GRIK2: variants seen among roughly 807,000 people sequenced by gnomAD.
GRIK2 encodes glutamate ionotropic receptor kainate type subunit 2.
Under a neutral mutation model 100.3 loss-of-function variants are expected in GRIK2, and 32 were observed. That is an observed-to-expected ratio of 0.32 (90% CI 0.24 to 0.43). The LOEUF (loss-of-function observed/expected upper bound fraction) is 0.43, where lower values mean the gene tolerates loss of function less well. Among genes scored for constraint, GRIK2 ranks in the 20% least tolerant of loss-of-function variants. The pLI, the probability that GRIK2 is intolerant of heterozygous loss-of-function variation, is 1.00. For missense variants in GRIK2, 843 were observed against 1,114.9 expected (o/e 0.76, Z 3.47); for synonymous variants, 417 against 389.4 (o/e 1.07, Z -0.83).
In GRIK2 at chr6:101,912,742, G is replaced by C. The variant is rs79250956; in HGVS notation, c.1749-11859G>C. On this transcript the variant is annotated intron_variant, in intron 12 of 16. Coordinates refer to ENST00000369134, the MANE Select transcript of GRIK2 (RefSeq NM_021956.5). ...TTTTCTGAGTGCTGTTTCCACTGAG[G>C]CTGGCCATCCAGCAGTGGCCTGAGG... 4.9e-3 allele frequency among the ~76,000 whole-genome samples: 748 copies of C among 151,506 alleles called. 3 individuals are homozygous for C. The highest frequency in any genetic ancestry group is 7.5e-3 in the Non-Finnish European group (510 of 67,654).
intron 10 of GRIK2, among the ~76,000 whole-genome samples, chr6:101,848,732 T>G (rs976744162): frequency 6.6e-6 from 1 of 151,996 alleles, no homozygotes. Flanking sequence ...ATCAAACACA[T>G]ATATTACTAC....
At chr6:101,561,849 G>A (rs2128295840) in intron 2 of GRIK2, among the ~76,000 whole-genome samples, 1 of 152,260 alleles carries the variant, frequency 6.6e-6, no homozygotes, top group East Asian at 1.9e-4. Context: ...GGGTCATGTA[G>A]TTTCCAGCAT....
chr6:101,456,859 A>G (rs1045988086), intron 2 of GRIK2, among the ~76,000 whole-genome samples: 1 of 152,154 alleles, frequency 6.6e-6, no homozygotes, highest in Non-Finnish European at 1.5e-5. Context: ...AAGAAAAAGT[A>G]TGATTTTCCT....
At chr6:101,463,343 GTTA>G (rs1322118320) in intron 2 of GRIK2, among the ~76,000 whole-genome samples, 10 of 152,060 alleles carry the variant, frequency 6.6e-5, no homozygotes, top group African/African-American at 2.2e-4. Flanking sequence ...TGCAATGGTT[GTTA>G]TTATTTCTTT....
chr6:101,721,933 C>T (rs574027480), intron 7 of GRIK2, among the ~76,000 whole-genome samples: 89 of 151,954 alleles, frequency 5.9e-4, no homozygotes, highest in Non-Finnish European at 1.1e-3. Context: ...AATATTTTCA[C>T]TTAGGCCTTT....
intron 11 of GRIK2, 32 bp from the exon 12 acceptor site, chr6:101,889,608 T>A: frequency 2.5e-6 from 2 of 800,624 alleles, no homozygotes; most frequent in Non-Finnish European, 3.5e-6. Context: ...TTTCTTTCTT[T>A]TTTTTTTTTT....
chr6:101,967,474 A>G (rs1219895033), intron 14 of GRIK2, among the ~76,000 whole-genome samples: 1 of 152,124 alleles, frequency 6.6e-6, no homozygotes, highest in African/African-American at 2.4e-5. Flanking sequence ...GTGATTCTTT[A>G]GCTTAAGAGA....
At chr6:101,629,382 A>T (rs997203780) in intron 4 of GRIK2, among the ~76,000 whole-genome samples, 1 of 152,136 alleles carries the variant, frequency 6.6e-6, no homozygotes, top group Admixed American at 6.6e-5. Context: ...AATTCAATGA[A>T]TTTTGATTAT....
At chr6:102,002,215 C>G (rs925238887) in intron 14 of GRIK2, among the ~76,000 whole-genome samples, 1 of 149,282 alleles carries the variant, frequency 6.7e-6, no homozygotes, top group African/African-American at 2.4e-5. Context: ...ATTGGTCTAC[C>G]TTCTATCACA....
chr6:102,006,968 T>C (rs1403580455), intron 14 of GRIK2, among the ~76,000 whole-genome samples: 2 of 152,124 alleles, frequency 1.3e-5, no homozygotes, highest in East Asian at 3.9e-4. Flanking sequence ...ATGAGACCCT[T>C]TTCAGTAATT....
At chr6:101,846,880 G>A (rs1783842782) in intron 10 of GRIK2, among the ~76,000 whole-genome samples, 2 of 150,948 alleles carry the variant, frequency 1.3e-5, no homozygotes, top group South Asian at 4.2e-4. Flanking sequence ...GATTTTTTTT[G>A]CTATTACTTT....
chr6:101,975,801 A>ATCTGTCTG (rs71547439), intron 14 of GRIK2, among the ~76,000 whole-genome samples: 32 of 101,104 alleles, frequency 3.2e-4, no homozygotes, highest in South Asian at 9.4e-4. Context: ...CTGTCTATCT[A>ATCTGTCTG]TCTATCTGTC....
intron 14 of GRIK2, among the ~76,000 whole-genome samples, chr6:101,956,884 C>T (rs534005744): frequency 4.6e-4 from 69 of 149,124 alleles, no homozygotes; most frequent in African/African-American, 1.4e-3. Flanking sequence ...TTTTCTTTAT[C>T]GAATCATCAG....
rs148249236 is a variant in GRIK2, at chr6:101,906,676, T to G, written c.1748+16813T>G. 3.3e-3 allele frequency among the ~76,000 whole-genome samples: 506 copies of G among 151,830 alleles called. 2 individuals carry two copies. The highest frequency in any genetic ancestry group is 0.012 in the African/African-American group (496 of 41,504). On this transcript the variant is annotated intron_variant, in intron 12 of 16. Coordinates refer to ENST00000369134, the MANE Select transcript of GRIK2 (RefSeq NM_021956.5). ...TGGATGGCATTTCAGTGTTGAGAAT[T>G]GCCTGCAGAGGATGTAATCCTAATG... is the stretch of plus-strand genomic sequence containing the variant.
chr6:101,471,389 A>G (rs978598978), intron 2 of GRIK2, among the ~76,000 whole-genome samples: 8 of 152,030 alleles, frequency 5.3e-5, no homozygotes, highest in Non-Finnish European at 1.0e-4. Flanking sequence ...CTATGGCCCC[A>G]ATAGCCTATT....
At position 101,554,858 on chromosome 6, in the gene GRIK2, T is replaced by C. The variant is rs577639228; in HGVS notation, c.116-67091T>C. On this transcript the variant is annotated intron_variant, in intron 2 of 16. Transcript: ENST00000369134. ...TAAATAAACTGATTTAAATACTTTTTTTTTTCCCCCAAAATCAACCATAGG... is the reference window on the plus strand; with the variant it reads ...TAAATAAACTGATTTAAATACTTTTCTTTTTCCCCCAAAATCAACCATAGG... Among the ~76,000 whole-genome samples, 1,045 of 126,462 alleles carry C rather than the reference T, an allele frequency of 8.3e-3. 16 individuals carry two copies. The highest frequency in any genetic ancestry group is 0.038 in the African/African-American group (996 of 25,954). 83.0% of individuals were successfully genotyped at this position (126,462 alleles called of 152,430 possible).
intron 2 of GRIK2, among the ~76,000 whole-genome samples, chr6:101,595,698 ATG>A (rs200462444): frequency 0.29 from 39,824 of 136,268 alleles, 6,104 homozygotes; most frequent in Non-Finnish European, 0.3. Flanking sequence ...GTATATATAT[ATG>A]TGTGTGTGTG....
rs893217877 is a variant in GRIK2 at position 101,979,136 on chromosome 6, AG to A, written c.2085+50507del. Among the ~76,000 whole-genome samples, 13 of 152,026 alleles carry A rather than the reference AG, an allele frequency of 8.6e-5. 1 individual carries two copies. Among genetic ancestry groups the A allele is most frequent in the African/African-American group, 3.1e-4 (13 of 41,440 alleles). ...ATTCAGTTAATATGATAGCAAACAA[AG>A]GGTAAGAGAAAGCAAGAAAGTTTTA... On this transcript the variant is annotated intron_variant, in intron 14 of 16. Coordinates refer to ENST00000369134, the MANE Select transcript of GRIK2 (RefSeq NM_021956.5).
intron 3 of GRIK2, among the ~76,000 whole-genome samples, chr6:101,625,893 A>G (rs1780411567): frequency 6.6e-6 from 1 of 152,192 alleles, no homozygotes; most frequent in Non-Finnish European, 1.5e-5. Context: ...GAGTGTTCGC[A>G]TAACCCGACA....
Sources: gnomAD v4.1 joint callset for allele counts (sites outside exome capture counted in the v4.1 genomes callset) on GRCh38, gnomAD v4.1.1 for gene constraint, MANE v1.5 for transcripts, NCBI Gene and HGNC (gene_info 2026-07-23, HGNC 2026-07-21) for gene names.